The following TCERG1L variants were observed in gnomAD, a reference collection of about 807,000 sequenced individuals.
The protein encoded by TCERG1L is transcription elongation regulator 1-like protein.
TCERG1L carries 37 observed loss-of-function variants against 56.3 expected under a neutral mutation model. The ratio of observed to expected loss-of-function variants is 0.66; its 90% CI spans 0.51 to 0.87. TCERG1L has a LOEUF of 0.87. TCERG1L is among the 40% of genes least tolerant of loss of function. The pLI is 0.00. For synonymous variants in TCERG1L, 324 were observed against 326.3 expected, an observed-to-expected ratio of 0.99 and a Z score of 0.08; for missense variants, 799 against 774.2, an observed-to-expected ratio of 1.03 and a Z score of -0.38.
chr10:131,247,461 G>T (rs1846051934), intron 4 of TCERG1L, among the ~76,000 whole-genome samples: 1 of 152,110 alleles, frequency 6.6e-6, no homozygotes, highest in Admixed American at 6.5e-5. Context: ...CCTTCCTTAA[G>T]TGTCCTCAGT....
intron 4 of TCERG1L, among the ~76,000 whole-genome samples, chr10:131,232,197 A>C (rs1845859871): frequency 6.6e-6 from 1 of 152,238 alleles, no homozygotes; most frequent in Admixed American, 6.5e-5. Context: ...TGTCATGCCC[A>C]TGAAAACATG....
chr10:131,248,126 T>TCA (rs1401092664), intron 4 of TCERG1L, among the ~76,000 whole-genome samples: 2 of 150,520 alleles, frequency 1.3e-5, no homozygotes, highest in South Asian at 2.1e-4. Context: ...ACTGGTAAAT[T>TCA]CACACACACA....
At chr10:131,246,612 G>T (rs74160882) in intron 4 of TCERG1L, among the ~76,000 whole-genome samples, 4 of 85,560 alleles carry the variant, frequency 4.7e-5, no homozygotes, top group Non-Finnish European at 1.1e-4. Context: ...CTGCCCCACC[G>T]CACCCCACCC....
At chr10:131,166,724 A>G in intron 5 of TCERG1L, 73 bp downstream of exon 5, 1 of 1,425,578 alleles carries the variant, frequency 7.0e-7, no homozygotes, top group Non-Finnish European at 9.8e-7. Flanking sequence ...AACAAGCGTG[A>G]GGGTGTCCTG....
intron 4 of TCERG1L, among the ~76,000 whole-genome samples, chr10:131,225,203 A>ATGCTT (rs1845778871): frequency 6.6e-6 from 1 of 152,254 alleles, no homozygotes; most frequent in South Asian, 2.1e-4. Flanking sequence ...ACAATTAAGC[A>ATGCTT]GAGAGCAAAA....
At chr10:131,282,150 A>G (rs182865502) in intron 3 of TCERG1L, among the ~76,000 whole-genome samples, 5,525 of 150,816 alleles carry the variant, frequency 0.037, 139 homozygotes, top group African/African-American at 0.055. Context: ...AAAAAAAAAA[A>G]AAAAAAAAAA....
chr10:131,142,885 G>T (rs1845753913), intron 7 of TCERG1L, among the ~76,000 whole-genome samples: 1 of 152,208 alleles, frequency 6.6e-6, no homozygotes, highest in Non-Finnish European at 1.5e-5. Flanking sequence ...TTGCTAAACA[G>T]CTCCCCTTGA....
intron 3 of TCERG1L, among the ~76,000 whole-genome samples, chr10:131,284,217 C>A (rs1846495800): frequency 6.6e-6 from 1 of 150,992 alleles, no homozygotes; most frequent in African/African-American, 2.4e-5. Context: ...TGTATACAGC[C>A]CACAGTTTAC....
intron 4 of TCERG1L, among the ~76,000 whole-genome samples, chr10:131,213,669 G>T (rs750100362): frequency 1.3e-5 from 2 of 152,204 alleles, no homozygotes; most frequent in Non-Finnish European, 2.9e-5. Flanking sequence ...TCAGCCTCAG[G>T]TTCCAGGCAG....
chr10:131,253,374 C>T (rs1414595489), intron 4 of TCERG1L, among the ~76,000 whole-genome samples: 1 of 150,922 alleles, frequency 6.6e-6, no homozygotes, highest in Non-Finnish European at 1.5e-5. Context: ...CAGTGGCCTT[C>T]GACCCTGCCC....
chr10:131,117,054 C>A, intron 8 of TCERG1L, 120 bp from the exon 9 acceptor site: 1 of 1,311,726 alleles, frequency 7.6e-7, no homozygotes, highest in African/African-American at 1.5e-5. Context: ...CTTGACAACT[C>A]TTTATAAAGC....
chr10:131,231,491 G>A (rs939322725), intron 4 of TCERG1L, among the ~76,000 whole-genome samples: 3 of 152,280 alleles, frequency 2.0e-5, no homozygotes, highest in South Asian at 2.1e-4. Flanking sequence ...TGCAGCTGCC[G>A]TGGCACTGCC....
At chr10:131,284,046 G>A (rs1216701507) in intron 3 of TCERG1L, among the ~76,000 whole-genome samples, 1 of 149,326 alleles carries the variant, frequency 6.7e-6, no homozygotes, top group Non-Finnish European at 1.5e-5. Context: ...AGAATCACTT[G>A]AACCCAGGGG....
intron 4 of TCERG1L, among the ~76,000 whole-genome samples, chr10:131,234,708 TTG>T (rs879694299): frequency 6.7e-6 from 1 of 149,558 alleles, no homozygotes; most frequent in Non-Finnish European, 1.5e-5. Flanking sequence ...TTTTGTTTTG[TTG>T]TGTTTTTTTG....
At chr10:131,199,252 A>C (rs965257937) in intron 4 of TCERG1L, among the ~76,000 whole-genome samples, 6 of 152,044 alleles carry the variant, frequency 3.9e-5, no homozygotes, top group African/African-American at 1.4e-4. Flanking sequence ...CTCTCTCCCC[A>C]ACCCCCTTCT....
chr10:131,093,367 C>G, intron 11 of TCERG1L, 49 bp from the exon 12 acceptor site: 1 of 1,590,278 alleles, frequency 6.3e-7, no homozygotes, highest in Non-Finnish European at 8.6e-7. Flanking sequence ...GCAACTCTGG[C>G]CTCCCCAGAG....
chr10:131,195,817 C>T (rs1845355524), intron 4 of TCERG1L, among the ~76,000 whole-genome samples: 1 of 152,236 alleles, frequency 6.6e-6, no homozygotes, highest in South Asian at 2.1e-4. Context: ...CTGGGCACTT[C>T]TGGGTGGAGA....
At chr10:131,300,132 C>T (rs182854156) in intron 3 of TCERG1L, among the ~76,000 whole-genome samples, 252 of 152,212 alleles carry the variant, frequency 1.7e-3, no homozygotes, top group African/African-American at 5.8e-3. Flanking sequence ...TTCCACTTAG[C>T]TTTCAATAAT....
intron 4 of TCERG1L, among the ~76,000 whole-genome samples, chr10:131,249,896 G>A (rs1276786432): frequency 6.6e-6 from 1 of 152,214 alleles, no homozygotes; most frequent in African/African-American, 2.4e-5. Context: ...CTCTCTGCTT[G>A]TTCACAGAAT....
Sources: gnomAD v4.1 joint callset for allele counts (sites outside exome capture counted in the v4.1 genomes callset) on GRCh38, gnomAD v4.1.1 for gene constraint, MANE v1.5 for transcripts, NCBI Gene and HGNC (gene_info 2026-07-23, HGNC 2026-07-21) for gene names.